DCAF10: variants seen among roughly 807,000 people sequenced by gnomAD.
The protein encoded by DCAF10 is DDB1- and CUL4-associated factor 10.
Under a neutral mutation model 51.9 loss-of-function variants are expected in DCAF10, and 19 were observed. The observed-to-expected ratio is 0.37, with a 90% CI of 0.26 to 0.54. DCAF10 has a LOEUF of 0.54. Among genes scored for constraint, DCAF10 ranks in the 20% least tolerant of loss-of-function variants. The probability of loss-of-function intolerance (pLI) is 0.87; values close to 1 mark genes in which losing one functional copy is unlikely to be tolerated. For missense variants in DCAF10, 510 were observed against 730.6 expected (o/e 0.70, Z 3.48); for synonymous variants, 291 against 297.1 (o/e 0.98, Z 0.21).
At chr9:37,807,333 T>A (rs1829144003) in intron 1 of DCAF10, among the ~76,000 whole-genome samples, 1 of 152,032 alleles carries the variant, frequency 6.6e-6, no homozygotes, top group African/African-American at 2.4e-5. Context: ...TTTTAAAAAG[T>A]GTGATTTTTT....
intron 2 of DCAF10, among the ~76,000 whole-genome samples, chr9:37,830,416 G>GA (rs1370559409): frequency 2.0e-5 from 3 of 152,070 alleles, no homozygotes; most frequent in Non-Finnish European, 4.4e-5. Context: ...CATTTACAGA[G>GA]AAAAAACTGA....
At chr9:37,831,599 T>A (rs1830008380) in intron 2 of DCAF10, among the ~76,000 whole-genome samples, 1 of 152,192 alleles carries the variant, frequency 6.6e-6, no homozygotes, top group South Asian at 2.1e-4. Context: ...CTAGTTCATT[T>A]CTTAGTTTTG....
At chr9:37,850,824 TTTTATATATA>T (rs1186706580) in intron 3 of DCAF10, among the ~76,000 whole-genome samples, 51 of 54,526 alleles carry the variant, frequency 9.4e-4, no homozygotes, top group Admixed American at 2.4e-3. Context: ...TGAGGATATA[TTTTATATATA>T]TATATATATA....
At chr9:37,834,980 C>G (rs144244712) in intron 2 of DCAF10, among the ~76,000 whole-genome samples, 5 of 151,918 alleles carry the variant, frequency 3.3e-5, no homozygotes, top group Non-Finnish European at 5.9e-5. Flanking sequence ...GAGACGAGGT[C>G]TCATCATGTT....
At chr9:37,827,882 A>ATATCT (rs1025438729) in intron 2 of DCAF10, among the ~76,000 whole-genome samples, 1 of 151,072 alleles carries the variant, frequency 6.6e-6, no homozygotes, top group African/African-American at 2.5e-5. Context: ...AAGTAGCTGA[A>ATATCT]TATCTTATTT....
chr9:37,848,934 C>G (rs1830553736), intron 3 of DCAF10, among the ~76,000 whole-genome samples: 1 of 148,876 alleles, frequency 6.7e-6, no homozygotes, highest in South Asian at 2.1e-4. Flanking sequence ...GATCACGCCA[C>G]TGCTCTCCAG....
At position 37,852,930 on chromosome 9, in the gene DCAF10, T is replaced by TTATATATATATATA. The variant is rs59469290; in HGVS notation, c.852-1827_852-1814dup. Among the ~76,000 whole-genome samples the TTATATATATATATA allele has an allele frequency of 6.6e-3, 722 of 109,336 alleles. 8 individuals are homozygous for TTATATATATATATA. Among genetic ancestry groups the TTATATATATATATA allele is most frequent in the South Asian group, 0.012 (37 of 3,206 alleles). 71.7% of individuals were successfully genotyped at this position (109,336 alleles called of 152,430 possible). On this transcript the variant is annotated intron_variant, in intron 3 of 6. Transcript: ENST00000377724. ...CATCATAAATGTTAAGTATGTGAGG[T>TTATATATATATATA]TATATATATATATATATATATATAT...
intron 2 of DCAF10, chr9:37,836,249 A>G: frequency 1.3e-6 from 2 of 1,560,496 alleles, no homozygotes; most frequent in Non-Finnish European, 1.8e-6. Context: ...CTGGAAGCAC[A>G]GCAGATGTCT....
rs1312756492 is a variant in DCAF10 at position 37,861,682 on chromosome 9, GCATC to G, written c.*175_*178del. Reference sequence around the variant, plus strand: ...TACTTGGTCATCCAGCATCATACAGGCATCTCCAAGTTAGACTCTATGCAGCATC... The same window carrying G: ...TACTTGGTCATCCAGCATCATACAGGTCCAAGTTAGACTCTATGCAGCATC... On this transcript the variant is annotated 3_prime_UTR_variant, in exon 7 of 7. Coordinates refer to ENST00000377724, the MANE Select transcript of DCAF10 (RefSeq NM_024345.5). This position sits in a 1 kb window ranked among gnomAD's most constrained non-coding sequence, Gnocchi z 4.9. 13 of 823,252 alleles carry G rather than the reference GCATC, an allele frequency of 1.6e-5. No homozygotes were observed. In the South Asian group the frequency reaches 2.6e-4, roughly 16 times the overall value. 51.0% of individuals were successfully genotyped at this position (823,252 alleles called of 1,614,324 possible).
chr9:37,850,228 C>CAA (rs1261811676), intron 3 of DCAF10, among the ~76,000 whole-genome samples: 1 of 152,128 alleles, frequency 6.6e-6, no homozygotes, highest in African/African-American at 2.4e-5. Context: ...GGAGGTTCCT[C>CAA]AAAAACTTAA....
intron 3 of DCAF10, among the ~76,000 whole-genome samples, chr9:37,845,689 T>G (rs1157671867): frequency 6.6e-6 from 1 of 152,110 alleles, no homozygotes; most frequent in Non-Finnish European, 1.5e-5. Flanking sequence ...TAGAGATACC[T>G]CCCACAAAAC....
At chr9:37,807,318 A>G (rs993590314) in intron 1 of DCAF10, among the ~76,000 whole-genome samples, 2 of 152,174 alleles carry the variant, frequency 1.3e-5, no homozygotes, top group African/African-American at 4.8e-5. Flanking sequence ...TGTCTCTACA[A>G]AAAATTTTAA....
chr9:37,855,877 G>A (rs1830832240), intron 4 of DCAF10, among the ~76,000 whole-genome samples: 1 of 152,156 alleles, frequency 6.6e-6, no homozygotes, highest in Admixed American at 6.5e-5. Context: ...TTAGCCAGGT[G>A]CAGTGGCTCA....
chr9:37,806,993 A>G (rs1286673517), intron 1 of DCAF10, among the ~76,000 whole-genome samples: 1 of 152,220 alleles, frequency 6.6e-6, no homozygotes, highest in African/African-American at 2.4e-5. Context: ...GATTAGGTTT[A>G]ATATAATTAA....
chr9:37,850,830 A>ATATATATATATG (rs1830617686), intron 3 of DCAF10, among the ~76,000 whole-genome samples: 1 of 5,244 alleles, frequency 1.9e-4, no homozygotes, highest in Non-Finnish European at 4.0e-4. Flanking sequence ...TATATTTTAT[A>ATATATATATATG]TATATATATA....
chr9:37,822,429 ATATATATATATATG>A (rs1829733699), intron 2 of DCAF10, among the ~76,000 whole-genome samples: 1 of 92,458 alleles, frequency 1.1e-5, no homozygotes, highest in African/African-American at 5.6e-5. Context: ...ATATATATAT[ATATATATATATATG>A]ATGGAATATT....
intron 1 of DCAF10, among the ~76,000 whole-genome samples, chr9:37,817,937 T>C (rs1432007573): frequency 3.9e-5 from 6 of 152,152 alleles, no homozygotes; most frequent in Admixed American, 3.9e-4. Context: ...GAAGTCCAGA[T>C]GTCTTAAAAA....
At chr9:37,844,185 A>G (rs1288676191) in intron 3 of DCAF10, among the ~76,000 whole-genome samples, 1 of 152,368 alleles carries the variant, frequency 6.6e-6, no homozygotes, top group Non-Finnish European at 1.5e-5. Flanking sequence ...ATCTCAGTGG[A>G]AAATATTAAC....
chr9:37,816,690 G>GTGTGTGTGTGTGTGTGTGTA (rs1829549530), intron 1 of DCAF10, among the ~76,000 whole-genome samples: 1 of 151,540 alleles, frequency 6.6e-6, no homozygotes, highest in Admixed American at 6.6e-5. Flanking sequence ...GTGTGTGTGT[G>GTGTGTGTGTGTGTGTGTGTA]TATACATAAA....
Sources: allele counts gnomAD v4.1 joint callset (sites outside exome capture counted in the v4.1 genomes callset), GRCh38; gene constraint gnomAD v4.1.1; non-coding constraint Gnocchi (gnomAD v3.1); transcripts MANE v1.5; gene names NCBI Gene and HGNC (gene_info 2026-07-23, HGNC 2026-07-21).